Variants in GLI2 observed in about 807,000 individuals in gnomAD.
GLI2 encodes GLI family zinc finger 2, also known as transcription activator GLI2.
Under a neutral mutation model 78.9 loss-of-function variants are expected in GLI2, and 22 were observed. That is an observed-to-expected ratio of 0.28 (90% CI 0.20 to 0.40). The LOEUF (loss-of-function observed/expected upper bound fraction) is 0.40, where lower values mean the gene tolerates loss of function less well. GLI2 is among the 10% of genes least tolerant of loss of function. The pLI, the probability that GLI2 is intolerant of heterozygous loss-of-function variation, is 1.00. For synonymous variants in GLI2, 974 were observed against 963.7 expected (o/e 1.01, Z -0.20); for missense variants, 2,097 against 2,213.2 (o/e 0.95, Z 1.05).
Position 120,990,360 on chromosome 2 carries a change from C to T in GLI2, c.4395C>T (p.Ser1465=). ...CACAGCCACAGGCCTGTCAGGACAG[C>T]ATCCAGCCCCAGCCCTTGCCCTCAC... ...QPPQPQACQD[S]IQPQPLPSPG... Residue 1465 remains serine, a synonymous_variant, in exon 14 of 14, where the codon AGC becomes AGT. Coordinates refer to ENST00000361492, the MANE Select transcript of GLI2 (RefSeq NM_001374353.1). The T allele has an allele frequency of 6.2e-7, 1 of 1,614,052 alleles. No individual in the cohort carries two copies. Among genetic ancestry groups the T allele is most frequent in the Non-Finnish European group, 8.5e-7 (1 of 1,180,036 alleles).
At chr2:120,907,743 G>A (rs1678612226) in intron 2 of GLI2, among the ~76,000 whole-genome samples, 1 of 152,110 alleles carries the variant, frequency 6.6e-6, no homozygotes, top group Non-Finnish European at 1.5e-5. Context: ...AGTGTAAATG[G>A]GGGTGGTGAT....
intron 5 of GLI2, among the ~76,000 whole-genome samples, chr2:120,964,451 G>T (rs955931682): frequency 6.6e-6 from 1 of 152,258 alleles, no homozygotes; most frequent in African/African-American, 2.4e-5. Context: ...GGATTGGACA[G>T]CTGTTAGCTG....
intron 1 of GLI2, among the ~76,000 whole-genome samples, chr2:120,775,138 C>T (rs946296244): frequency 3.7e-4 from 56 of 152,284 alleles, no homozygotes; most frequent in African/African-American, 1.3e-3. Flanking sequence ...ATCACCTCCC[C>T]TTCTGTGACA....
chr2:120,871,024 G>A (rs991143024), intron 2 of GLI2, among the ~76,000 whole-genome samples: 2 of 152,302 alleles, frequency 1.3e-5, no homozygotes, highest in African/African-American at 2.4e-5. Flanking sequence ...GCAAATCCTG[G>A]GACTTGAATA....
At chr2:120,868,573 C>G (rs747173835) in intron 2 of GLI2, among the ~76,000 whole-genome samples, 3 of 152,204 alleles carry the variant, frequency 2.0e-5, no homozygotes, top group Non-Finnish European at 4.4e-5. Flanking sequence ...CTGGCCCCCT[C>G]CCTCCTGGGG....
At chr2:120,843,209 C>G (rs984631478) in intron 2 of GLI2, among the ~76,000 whole-genome samples, 2 of 152,174 alleles carry the variant, frequency 1.3e-5, no homozygotes, top group African/African-American at 2.4e-5. Flanking sequence ...GCTACCTCCC[C>G]ACCAAGATGC....
At chr2:120,881,198 A>G (rs1435348954) in intron 2 of GLI2, among the ~76,000 whole-genome samples, 1 of 152,048 alleles carries the variant, frequency 6.6e-6, no homozygotes, top group Non-Finnish European at 1.5e-5. Context: ...TCTGAATCCT[A>G]CTCCAAATAC....
At position 120,797,510 on chromosome 2, in the gene GLI2, T is replaced by TGGTG. The variant is rs764485823; in HGVS notation, c.148+42_148+43insGGTG. ...ACACTTGGAGGGCAGCAGGGGTGTT[T>TGGTG]TTCATTAGCCCGTTAGGATTTAATT... On this transcript the variant is annotated intron_variant, in intron 2 of 13. Transcript: ENST00000361492. 262 of 1,586,702 alleles carry TGGTG rather than the reference T, an allele frequency of 1.7e-4. No homozygotes were observed. Among genetic ancestry groups the TGGTG allele is most frequent in the Admixed American group, 9.5e-4 (57 of 59,858 alleles).
intron 1 of GLI2, among the ~76,000 whole-genome samples, chr2:120,752,193 C>G (rs1682892834): frequency 6.6e-6 from 1 of 151,914 alleles, no homozygotes; most frequent in African/African-American, 2.4e-5. Flanking sequence ...TATGTCTTGG[C>G]ATTCTATCCA....
At chr2:120,974,741 C>T (rs772808170) in intron 8 of GLI2, among the ~76,000 whole-genome samples, 1 of 151,952 alleles carries the variant, frequency 6.6e-6, no homozygotes, top group Admixed American at 6.5e-5. Context: ...GAGCTGTGGG[C>T]GGGGCTGAGT....
intron 2 of GLI2, among the ~76,000 whole-genome samples, chr2:120,915,293 C>T (rs913935753): frequency 7.9e-5 from 12 of 152,240 alleles, no homozygotes; most frequent in African/African-American, 2.2e-4. Flanking sequence ...GGCCTGATTG[C>T]GTGAGTGGCC....
intron 2 of GLI2, among the ~76,000 whole-genome samples, chr2:120,817,878 C>T (rs1407015975): frequency 2.6e-5 from 4 of 152,200 alleles, no homozygotes; most frequent in Non-Finnish European, 5.9e-5. Context: ...GGCCTGAGAA[C>T]CATGTGGCAG....
intron 1 of GLI2, among the ~76,000 whole-genome samples, chr2:120,784,120 T>C (rs1165690466): frequency 6.6e-6 from 1 of 152,244 alleles, no homozygotes; most frequent in African/African-American, 2.4e-5. Flanking sequence ...CTGGGTTCAC[T>C]CTGATGGCCC....
chr2:120,869,583 T>A, intron 2 of GLI2, among the ~76,000 whole-genome samples: 1 of 152,166 alleles, frequency 6.6e-6, no homozygotes. Context: ...ATAGATTGGT[T>A]AAAATAGTAA....
rs139823429 is a variant in GLI2, at chr2:120,990,375, C to A, written c.4410C>A (p.Pro1470=). 1 of 1,614,132 alleles carries A rather than the reference C, an allele frequency of 6.2e-7. No individual in the cohort carries two copies. Among genetic ancestry groups the A allele is most frequent in the Admixed American group, 1.7e-5 (1 of 60,030 alleles). The change falls in exon 14 of 14, where the codon CCC becomes CCA. Residue 1470 remains proline, a synonymous_variant. Coordinates refer to ENST00000361492, the MANE Select transcript of GLI2 (RefSeq NM_001374353.1). ...GTCAGGACAGCATCCAGCCCCAGCC[C>A]TTGCCCTCACCAGGGGTCAACCAGG... is the stretch of plus-strand genomic sequence containing the variant. ...QACQDSIQPQ[P]LPSPGVNQVS...
At chr2:120,796,607 C>T (rs1423361288) in intron 1 of GLI2, among the ~76,000 whole-genome samples, 1 of 152,226 alleles carries the variant, frequency 6.6e-6, no homozygotes, top group East Asian at 1.9e-4. Context: ...CCGCTGTGCC[C>T]CTGCAACCCT....
chr2:120,896,696 T>A (rs989072466), intron 2 of GLI2, among the ~76,000 whole-genome samples: 3 of 128,906 alleles, frequency 2.3e-5, no homozygotes, highest in Admixed American at 7.6e-5. Context: ...CACACACCCA[T>A]ACACACACAC....
At chr2:120,844,461 C>T (rs1030550496) in intron 2 of GLI2, among the ~76,000 whole-genome samples, 8 of 152,160 alleles carry the variant, frequency 5.3e-5, no homozygotes, top group Non-Finnish European at 1.0e-4. Context: ...CTTGGAGGGT[C>T]TCCGTCCCTT....
intron 1 of GLI2, among the ~76,000 whole-genome samples, chr2:120,795,437 C>G (rs932052274): frequency 6.6e-6 from 1 of 151,212 alleles, no homozygotes; most frequent in Admixed American, 6.6e-5. Flanking sequence ...GCAGGAGAAT[C>G]TTTTGAATCT....
Sources: gnomAD v4.1 joint callset for allele counts (sites outside exome capture counted in the v4.1 genomes callset) on GRCh38, gnomAD v4.1.1 for gene constraint, MANE v1.5 for transcripts, NCBI Gene and HGNC (gene_info 2026-07-23, HGNC 2026-07-21) for gene names.